Variants in ADGRB3 observed in about 807,000 individuals in gnomAD.
The protein encoded by ADGRB3 is adhesion G protein-coupled receptor B3.
A neutral mutation model predicts 193.4 loss-of-function variants in ADGRB3; 37 were observed. That is an observed-to-expected ratio of 0.19 (90% CI 0.15 to 0.25). The LOEUF is 0.25. Among genes scored for constraint, ADGRB3 ranks in the 10% least tolerant of loss-of-function variants. ADGRB3 has a pLI of 1.00. For synonymous variants in ADGRB3, 690 were observed against 644.2 expected (o/e 1.07, Z -1.08); for missense variants, 1,637 against 1,852.9 (o/e 0.88, Z 2.14).
intron 3 of ADGRB3, among the ~76,000 whole-genome samples, chr6:68,810,849 C>T (rs1321467715): frequency 1.3e-5 from 2 of 151,914 alleles, no homozygotes; most frequent in South Asian, 4.2e-4. Flanking sequence ...AAACACAAGG[C>T]AATGGACACT....
intron 17 of ADGRB3, among the ~76,000 whole-genome samples, chr6:69,165,929 C>G (rs1050017103): frequency 6.6e-6 from 1 of 151,996 alleles, no homozygotes; most frequent in Non-Finnish European, 1.5e-5. Flanking sequence ...AGAACTTTAT[C>G]TGAAAACATG....
chr6:69,127,903 T>TTG lies in ADGRB3; in HGVS notation c.2480+51866_2480+51867insGT, dbSNP rs1554149853. On this transcript the variant is annotated intron_variant, in intron 17 of 31. Transcript: ENST00000370598. The stretch of plus-strand genomic sequence containing the variant: ...CTACAGCCAAGATAATAGTTTTTTT[T>TTG]TTGTTTTTTTTTTCTGGCATGGCAT... Among the ~76,000 whole-genome samples, 169 of 60,234 alleles carry TTG rather than the reference T, an allele frequency of 2.8e-3. 2 individuals carry two copies. The East Asian group carries it at 0.076, about 27-fold the overall frequency. The allele number at this position is 60,234 out of a possible 152,430, so 39.5% of individuals were successfully genotyped here. A position where few individuals can be genotyped will look rare whatever the true frequency, so the allele number is the denominator to read the frequency against.
At chr6:68,676,277 G>T (rs1029191248) in intron 3 of ADGRB3, among the ~76,000 whole-genome samples, 2 of 151,204 alleles carry the variant, frequency 1.3e-5, no homozygotes, top group African/African-American at 4.9e-5. Flanking sequence ...CTGTAATCCC[G>T]CTACTCAGGA....
chr6:68,874,401 A>T (rs1202673731), intron 3 of ADGRB3, among the ~76,000 whole-genome samples: 2 of 152,138 alleles, frequency 1.3e-5, no homozygotes, highest in Non-Finnish European at 2.9e-5. Context: ...TGGGTTAAGA[A>T]TTATGAATTA....
In ADGRB3 at chr6:68,984,796, C is replaced by A. The variant is rs902220138; in HGVS notation, c.1735-8972C>A. On this transcript the variant is annotated intron_variant, in intron 10 of 31. Transcript: ENST00000370598. ...ATTCACTTTGGTAGGAAAAAAGATA[C>A]TTTCTCCTTTATAACCAGAGGAAAG... 8.5e-5 allele frequency among the ~76,000 whole-genome samples: 13 copies of A among 152,192 alleles called. No individual in the cohort carries two copies. In the East Asian group the frequency reaches 9.7e-4, roughly 11 times the overall value.
intron 3 of ADGRB3, among the ~76,000 whole-genome samples, chr6:68,721,434 C>T (rs1765575636): frequency 6.8e-6 from 1 of 147,286 alleles, no homozygotes; most frequent in South Asian, 2.1e-4. Flanking sequence ...AAAGAGAACA[C>T]TTGGACACAG....
intron 3 of ADGRB3, among the ~76,000 whole-genome samples, chr6:68,856,279 C>A (rs574457208): frequency 2.0e-5 from 3 of 152,178 alleles, no homozygotes; most frequent in African/African-American, 7.2e-5. Context: ...TGAAAAGATA[C>A]CTGAAAATGT....
rs374857400 is a variant in ADGRB3, at chr6:68,756,691, CA to C, written c.757+117261del. On this transcript the variant is annotated intron_variant, in intron 3 of 31. Coordinates refer to ENST00000370598, the MANE Select transcript of ADGRB3 (RefSeq NM_001704.3). ...GTTATTTTGTTTATCATACAGCCTCCAATGTTGGAGGAAGTTGCTGTGAGGA... is the reference window on the plus strand; with the variant it reads ...GTTATTTTGTTTATCATACAGCCTCCATGTTGGAGGAAGTTGCTGTGAGGA... 1.5e-4 allele frequency among the ~76,000 whole-genome samples: 23 copies of C among 152,208 alleles called. No individual in the cohort carries two copies. The East Asian group carries it at 4.2e-3, about 28-fold the overall frequency.
intron 15 of ADGRB3, among the ~76,000 whole-genome samples, chr6:69,060,558 G>T (rs1771719174): frequency 6.6e-6 from 1 of 151,846 alleles, no homozygotes; most frequent in Admixed American, 6.6e-5. Flanking sequence ...ACATAATAGA[G>T]ATACCTTTCT....
At chr6:68,905,154 G>C (rs375305461) in intron 3 of ADGRB3, among the ~76,000 whole-genome samples, 1 of 152,140 alleles carries the variant, frequency 6.6e-6, no homozygotes, top group Non-Finnish European at 1.5e-5. Flanking sequence ...TATTGCATAA[G>C]TATTATATAA....
In ADGRB3 at chr6:68,927,765, A is replaced by G. The variant is rs185580053; in HGVS notation, c.758-2794A>G. Among the ~76,000 whole-genome samples, 14 of 152,278 alleles carry G rather than the reference A, an allele frequency of 9.2e-5. No homozygotes were observed. In the East Asian group the frequency reaches 2.3e-3, roughly 25 times the overall value. On this transcript the variant is annotated intron_variant, in intron 3 of 31. Coordinates refer to ENST00000370598, the MANE Select transcript of ADGRB3 (RefSeq NM_001704.3). ...GTGTTGTTTTCCCATCTGAAAAAAA[A>G]GAATGAATTTTTAATATCTTCTCTC...
chr6:68,763,200 C>T (rs1486761861), intron 3 of ADGRB3, among the ~76,000 whole-genome samples: 1 of 152,146 alleles, frequency 6.6e-6, no homozygotes, highest in Non-Finnish European at 1.5e-5. Context: ...AAGCGATTCT[C>T]CTGCCTCAGC....
chr6:68,845,572 G>A (rs181286114), intron 3 of ADGRB3, among the ~76,000 whole-genome samples: 3 of 152,270 alleles, frequency 2.0e-5, no homozygotes, highest in Admixed American at 6.5e-5. Flanking sequence ...TGAATCATGG[G>A]AGTAGGTCTT....
At chr6:69,007,693 T>TCTCACACA (rs1232770873) in intron 11 of ADGRB3, among the ~76,000 whole-genome samples, 38 of 90,164 alleles carry the variant, frequency 4.2e-4, no homozygotes, top group African/African-American at 1.4e-3. Flanking sequence ...TCTCTCTCTC[T>TCTCACACA]CACACACACA....
Position 69,388,802 on chromosome 6 carries a change from G to A in ADGRB3, c.4480G>A (p.Asp1494Asn). ...TINVLDTEAKDALELRPAEWE... is the reference protein window; with the variant it reads ...TINVLDTEAKNALELRPAEWE... ...CAATGTCTTAGACACAGAGGCAAAG[G>A]ATGCTTTGGAACTGAGGCCAGCAGA... Residue 1494 changes from aspartate (D) to asparagine (N), a missense_variant, in exon 32 of 32, where the codon GAT (aspartate) becomes AAT (asparagine). Physicochemically the swap from Asp to Asn is conservative, Grantham distance 23. Coordinates refer to ENST00000370598, the MANE Select transcript of ADGRB3 (RefSeq NM_001704.3). The A allele has an allele frequency of 4.3e-6, 7 of 1,613,530 alleles. No individual in the cohort carries two copies. The highest frequency in any genetic ancestry group is 1.7e-5 in the Admixed American group (1 of 59,930).
intron 16 of ADGRB3, 79 bp downstream of exon 16, chr6:69,063,115 A>G (rs62416807): frequency 0.047 from 50,204 of 1,066,686 alleles, 1,476 homozygotes; most frequent in Middle Eastern, 0.063. Flanking sequence ...ATAACACCAG[A>G]ATACATTTTC....
intron 17 of ADGRB3, among the ~76,000 whole-genome samples, chr6:69,200,730 T>C (rs1765402360): frequency 6.6e-6 from 1 of 152,006 alleles, no homozygotes; most frequent in Non-Finnish European, 1.5e-5. Flanking sequence ...TCCATGACTG[T>C]GCCACAGACC....
At chr6:68,790,514 G>A (rs1307097662) in intron 3 of ADGRB3, among the ~76,000 whole-genome samples, 2 of 152,172 alleles carry the variant, frequency 1.3e-5, no homozygotes, top group African/African-American at 4.8e-5. Flanking sequence ...TGACCCCCGA[G>A]TAGCCTAACT....
At chr6:69,139,258 G>T (rs1774242125) in intron 17 of ADGRB3, among the ~76,000 whole-genome samples, 1 of 152,148 alleles carries the variant, frequency 6.6e-6, no homozygotes, top group African/African-American at 2.4e-5. Context: ...ATCTAGCCTG[G>T]CAGCAGTCCC....
Sources: allele counts gnomAD v4.1 joint callset (sites outside exome capture counted in the v4.1 genomes callset), GRCh38; gene constraint gnomAD v4.1.1; transcripts MANE v1.5; gene names NCBI Gene and HGNC (gene_info 2026-07-23, HGNC 2026-07-21).